DNAJA4: variants seen among roughly 807,000 people sequenced by gnomAD.
DNAJA4 encodes DnaJ heat shock protein family (Hsp40) member A4, also known as dnaJ homolog subfamily A member 4.
DNAJA4 carries 32 observed loss-of-function variants against 39.7 expected under a neutral mutation model. The observed-to-expected ratio is 0.81, with a 90% CI of 0.61 to 1.08. The LOEUF (loss-of-function observed/expected upper bound fraction) is 1.08, where lower values mean the gene tolerates loss of function less well. Among genes scored for constraint, DNAJA4 ranks in the 50% least tolerant of loss-of-function variants. The pLI is 0.00. For missense variants in DNAJA4, 439 were observed against 505.1 expected, an observed-to-expected ratio of 0.87 and a Z score of 1.25; for synonymous variants, 184 against 182.4, an observed-to-expected ratio of 1.01 and a Z score of -0.07.
intron 1 of DNAJA4, among the ~76,000 whole-genome samples, chr15:78,266,444 A>C (rs1004992051): frequency 1.3e-5 from 2 of 152,178 alleles, no homozygotes; most frequent in African/African-American, 4.8e-5. Flanking sequence ...GTTTGTTTTA[A>C]ACTAATATTT....
At chr15:78,275,417 ACT>A in intron 4 of DNAJA4, 79 bp from the exon 5 acceptor site, 3 of 1,155,362 alleles carry the variant, frequency 2.6e-6, no homozygotes, top group East Asian at 4.8e-5. Flanking sequence ...TCCCTGAAGG[ACT>A]CTGTTCCTTC....
At chr15:78,280,009 G>T in intron 5 of DNAJA4, 36 bp from the exon 6 acceptor site, 2 of 1,600,404 alleles carry the variant, frequency 1.2e-6, no homozygotes, top group South Asian at 2.2e-5. Flanking sequence ...AGGCCCCTCT[G>T]CCTTCCTCCT....
intron 1 of DNAJA4, among the ~76,000 whole-genome samples, 186 bp downstream of exon 1, chr15:78,265,081 C>G (rs964476241): frequency 1.3e-5 from 2 of 152,076 alleles, no homozygotes; most frequent in African/African-American, 4.8e-5. Context: ...CGGTGGAGGG[C>G]GCTTCGCCCG....
In DNAJA4 at chr15:78,279,316, A is replaced by G. The variant is rs1322100762; in HGVS notation, c.878-729A>G. 1 of 152,344 alleles carries G rather than the reference A, an allele frequency of 6.6e-6. No homozygotes were observed. Among genetic ancestry groups the G allele is most frequent in the East Asian group, 1.9e-4 (1 of 5,178 alleles). The allele number at this position is 152,344 out of a possible 1,614,324, so 9.4% of individuals were successfully genotyped here. A position where few individuals can be genotyped will look rare whatever the true frequency, so the allele number is the denominator to read the frequency against. ...CATTTTCATCGCTGAGCTGAAGAGC[A>G]TGCTTTATCAGAAACCCTTTTGTCC... is the stretch of plus-strand genomic sequence containing the variant. On this transcript the variant is annotated intron_variant, in intron 5 of 6. Transcript: ENST00000394852. The surrounding 1 kb of genome is among the most constrained non-coding windows in gnomAD (Gnocchi z 4.5).
chr15:78,266,136 G>C, intron 1 of DNAJA4: 1 of 1,217,056 alleles, frequency 8.2e-7, no homozygotes. Context: ...TGGTGCTGGT[G>C]ATTCATCCAC....
In DNAJA4 at chr15:78,264,651, C is replaced by A; in HGVS notation, c.-113C>A. On this transcript the variant is annotated 5_prime_UTR_variant, in exon 1 of 7. Coordinates refer to ENST00000394852, the MANE Select transcript of DNAJA4 (RefSeq NM_001130182.2). Reference sequence around the variant, plus strand: ...GCGGCGGCGGCGGCGGCGACCGTGACCGTGACGCGCGAGCGGGCGGCGGGG... The same window carrying A: ...GCGGCGGCGGCGGCGGCGACCGTGAACGTGACGCGCGAGCGGGCGGCGGGG... 2.0e-6 allele frequency: 2 copies of A among 1,017,966 alleles called. No individual in the cohort carries two copies. Among genetic ancestry groups the A allele is most frequent in the Non-Finnish European group, 2.3e-6 (2 of 852,698 alleles). The allele number at this position is 1,017,966 out of a possible 1,614,324, so 63.1% of individuals were successfully genotyped here. A position where few individuals can be genotyped will look rare whatever the true frequency, so the allele number is the denominator to read the frequency against.
At chr15:78,278,871 A>G (rs1257736580) in intron 5 of DNAJA4, among the ~76,000 whole-genome samples, 1 of 111,536 alleles carries the variant, frequency 9.0e-6, no homozygotes, top group African/African-American at 3.6e-5. Context: ...GGGTTTCACT[A>G]TGTTGATCAA....
rs140900869 is a variant in DNAJA4, at chr15:78,277,634, G to A, written c.877+1906G>A. The stretch of plus-strand genomic sequence containing the variant: ...GCCCAGATCCTAGCCCTCCTGAGCC[G>A]GGGCTGGGAAGCATCTGTGTGTAAC... On this transcript the variant is annotated intron_variant, in intron 5 of 6. Transcript: ENST00000394852. Among the ~76,000 whole-genome samples the A allele has an allele frequency of 6.0e-4, 91 of 152,248 alleles. 1 individual carries two copies. In the East Asian group the frequency reaches 0.015, roughly 25 times the overall value.
chr15:78,275,480 A>G lies in DNAJA4; in HGVS notation c.647-18A>G, dbSNP rs1342504978. ...TTGTATGAGAAATGGCTAATCAGAA[A>G]GGGATGATGTTTCATAGGTATGAAA... On this transcript the variant is annotated intron_variant, in intron 4 of 6. Transcript: ENST00000394852. 4 of 1,589,416 alleles carry G rather than the reference A, an allele frequency of 2.5e-6. No homozygotes were observed. Among genetic ancestry groups the G allele is most frequent in the Non-Finnish European group, 3.5e-6 (4 of 1,158,934 alleles).
At chr15:78,268,893 A>AGCAGTTG (rs1223273693) in intron 1 of DNAJA4, among the ~76,000 whole-genome samples, 1 of 152,184 alleles carries the variant, frequency 6.6e-6, no homozygotes, top group African/African-American at 2.4e-5. Flanking sequence ...AGAAATATGC[A>AGCAGTTG]GCAGTTGTGG....
chr15:78,273,499 C>T (rs11853191), intron 3 of DNAJA4, among the ~76,000 whole-genome samples: 19,625 of 152,252 alleles, frequency 0.13, 1,322 homozygotes, highest in Middle Eastern at 0.17. Context: ...CATATGTATA[C>T]AGACAATTAT....
At position 78,270,537 on chromosome 15, in the gene DNAJA4, C is replaced by T. The variant is rs746849107; in HGVS notation, c.173C>T (p.Pro58Leu). 1.2e-6 allele frequency: 2 copies of T among 1,614,008 alleles called. No individual in the cohort carries two copies. The highest frequency in any genetic ancestry group is 1.7e-6 in the Non-Finnish European group (2 of 1,179,978). ...ISQAYEVLSD[P>L]KKRDVYDQGG... is the part of the protein sequence containing the mutation. ...CAGGCATATGAAGTGCTTTCAGATC[C>T]AAAGAAAAGGGATGTTTATGACCAA... Residue 58 changes from proline to leucine, a missense_variant, in exon 2 of 7, where the codon CCA becomes CTA. Coordinates refer to ENST00000394852, the MANE Select transcript of DNAJA4 (RefSeq NM_001130182.2).
chr15:78,275,281 C>T, intron 4 of DNAJA4: 1 of 560,462 alleles, frequency 1.8e-6, no homozygotes, highest in East Asian at 2.9e-5. Flanking sequence ...CCCCCACTCC[C>T]TGTGCATGCT....
intron 1 of DNAJA4, 87 bp from the exon 2 acceptor site, chr15:78,270,410 C>A (rs1004082648): frequency 7.1e-6 from 10 of 1,413,810 alleles, no homozygotes; most frequent in Admixed American, 2.0e-5. Flanking sequence ...CAGAATACCT[C>A]TATTACTTTG....
chr15:78,264,239 G>A (rs1321448432), upstream of DNAJA4: 3 of 882,002 alleles, frequency 3.4e-6, no homozygotes, highest in East Asian at 1.3e-4. Flanking sequence ...GAAGGGCAAG[G>A]GGGCGGCCTC....
At chr15:78,269,775 T>C (rs2049243766) in intron 1 of DNAJA4, among the ~76,000 whole-genome samples, 1 of 152,224 alleles carries the variant, frequency 6.6e-6, no homozygotes, top group Non-Finnish European at 1.5e-5. Flanking sequence ...TTCTATCTTT[T>C]AATTTTAGAG....
intron 5 of DNAJA4, among the ~76,000 whole-genome samples, chr15:78,278,690 C>A (rs1391790407): frequency 6.6e-6 from 1 of 151,974 alleles, no homozygotes; most frequent in Non-Finnish European, 1.5e-5. Context: ...CTCGCTCTGT[C>A]GCCCAGGCTG....
At chr15:78,265,028 CG>C in intron 1 of DNAJA4, 133 bp downstream of exon 1, 1 of 1,139,556 alleles carries the variant, frequency 8.8e-7, no homozygotes, top group Non-Finnish European at 1.2e-6. Flanking sequence ...GGGGCCAGGC[CG>C]GGCAGAGGTG....
intron 1 of DNAJA4, among the ~76,000 whole-genome samples, chr15:78,265,329 AC>A (rs1348008302): frequency 3.9e-5 from 6 of 152,098 alleles, no homozygotes; most frequent in Non-Finnish European, 7.4e-5. Flanking sequence ...TGATGCATAA[AC>A]CCTAGGGATG....
Sources: allele counts gnomAD v4.1 joint callset (sites outside exome capture counted in the v4.1 genomes callset), GRCh38; gene constraint gnomAD v4.1.1; non-coding constraint Gnocchi (gnomAD v3.1); transcripts MANE v1.5; gene names NCBI Gene and HGNC (gene_info 2026-07-23, HGNC 2026-07-21).